Variants in ZNF169 observed in about 807,000 individuals in gnomAD.
The protein encoded by ZNF169 is zinc finger protein 169.
Under a neutral mutation model 12.0 loss-of-function variants are expected in ZNF169, and 11 were observed. The observed-to-expected ratio is 0.92, with a 90% CI of 0.58 to 1.52. The LOEUF (loss-of-function observed/expected upper bound fraction) is 1.52. ZNF169 is among the 40% of genes most tolerant of loss of function. ZNF169 has a pLI of 0.00. For synonymous variants in ZNF169, 302 were observed against 286.5 expected (o/e 1.05, Z -0.55); for missense variants, 722 against 744.0 (o/e 0.97, Z 0.34).
In ZNF169 at chr9:94,275,345, G is replaced by C. The variant is rs558330111; in HGVS notation, c.-55-3413G>C. ...GAACCATTGTAAGTTGGGGACTGTA[G>C]TCCTTTGAAATTGGAGATTTGTTTT... On this transcript the variant is annotated intron_variant, in intron 1 of 4. Coordinates refer to ENST00000395395, the MANE Select transcript of ZNF169 (RefSeq NM_194320.4). Among the ~76,000 whole-genome samples the C allele has an allele frequency of 8.5e-5, 13 of 152,340 alleles. 1 individual carries two copies. The South Asian group carries it at 2.7e-3, about 32-fold the overall frequency.
At chr9:94,285,547 C>G (rs1830707003) in intron 2 of ZNF169, among the ~76,000 whole-genome samples, 2 of 152,086 alleles carry the variant, frequency 1.3e-5, no homozygotes, top group Non-Finnish European at 2.9e-5. Flanking sequence ...ATTTTAAAAG[C>G]TCACTGAGTA....
chr9:94,280,068 A>G (rs1830600494), intron 2 of ZNF169, among the ~76,000 whole-genome samples: 1 of 152,214 alleles, frequency 6.6e-6, no homozygotes, highest in Non-Finnish European at 1.5e-5. Context: ...TTGCTAATTC[A>G]GTTTTGCTTT....
chr9:94,260,063 C>T (rs1055633687), intron 1 of ZNF169, among the ~76,000 whole-genome samples: 1 of 151,594 alleles, frequency 6.6e-6, no homozygotes, highest in East Asian at 1.9e-4. Context: ...AGGCACCCGC[C>T]ACCACGCCCG....
chr9:94,275,789 T>G (rs1205078180), intron 1 of ZNF169, among the ~76,000 whole-genome samples: 9 of 150,486 alleles, frequency 6.0e-5, no homozygotes, highest in East Asian at 1.9e-4. Context: ...ACTATCTGTT[T>G]TTTTTTTTTT....
intron 2 of ZNF169, among the ~76,000 whole-genome samples, chr9:94,281,570 G>A (rs1830631928): frequency 6.6e-6 from 1 of 152,182 alleles, no homozygotes; most frequent in Admixed American, 6.5e-5. Context: ...TTTATTCTGA[G>A]CCAAATATGA....
intron 1 of ZNF169, among the ~76,000 whole-genome samples, chr9:94,271,920 G>A (rs999620698): frequency 4.9e-5 from 5 of 102,190 alleles, no homozygotes; most frequent in Admixed American, 3.2e-4. Context: ...AAGTATTGCC[G>A]TCTCTCCTAC....
intron 2 of ZNF169, among the ~76,000 whole-genome samples, chr9:94,280,464 AC>A (rs773242180): frequency 2.0e-4 from 31 of 152,268 alleles, no homozygotes; most frequent in Middle Eastern, 3.4e-3. Flanking sequence ...TCTGTCTGTG[AC>A]CAACTTCTCT....
At chr9:94,296,791 C>T (rs1311054710) in intron 4 of ZNF169, 9 of 456,708 alleles carry the variant, frequency 2.0e-5, no homozygotes, top group Admixed American at 1.9e-4. Context: ...ACTGTAAATC[C>T]TCCATCTTCT....
In ZNF169 at chr9:94,262,363, G is replaced by A. The variant is rs140739933; in HGVS notation, c.-56+3018G>A. ...AGGCTATTACTGGGGAAAGCCTAGG[G>A]TGCCAAGATTGTGTGTGGATCTTAT... On this transcript the variant is annotated intron_variant, in intron 1 of 4. Coordinates refer to ENST00000395395, the MANE Select transcript of ZNF169 (RefSeq NM_194320.4). 1.4e-3 allele frequency among the ~76,000 whole-genome samples: 219 copies of A among 152,270 alleles called. 1 individual carries two copies. The highest frequency in any genetic ancestry group is 5.1e-3 in the African/African-American group (211 of 41,550).
At chr9:94,286,047 A>G (rs1270652419) in intron 2 of ZNF169, among the ~76,000 whole-genome samples, 4 of 152,110 alleles carry the variant, frequency 2.6e-5, no homozygotes, top group African/African-American at 7.2e-5. Flanking sequence ...CCTAAAGTGC[A>G]TAAACAATAT....
At chr9:94,260,694 G>A (rs1830187240) in intron 1 of ZNF169, among the ~76,000 whole-genome samples, 1 of 152,116 alleles carries the variant, frequency 6.6e-6, no homozygotes, top group African/African-American at 2.4e-5. Context: ...GTTGCAACAA[G>A]CAGAATGGTG....
At chr9:94,272,607 G>A (rs1387304180) in intron 1 of ZNF169, among the ~76,000 whole-genome samples, 2 of 152,122 alleles carry the variant, frequency 1.3e-5, no homozygotes, top group Non-Finnish European at 2.9e-5. Flanking sequence ...TGTAGTATGA[G>A]CCAGAATTTC....
chr9:94,279,243 T>C (rs747365718), intron 2 of ZNF169, among the ~76,000 whole-genome samples: 10 of 151,968 alleles, frequency 6.6e-5, no homozygotes, highest in Middle Eastern at 3.4e-3. Context: ...AGTACAAAAT[T>C]AGCTGGGCGT....
At chr9:94,275,887 T>A (rs562850099) in intron 1 of ZNF169, among the ~76,000 whole-genome samples, 133 of 151,898 alleles carry the variant, frequency 8.8e-4, no homozygotes, top group African/African-American at 3.0e-3. Flanking sequence ...GTTCAAGTGA[T>A]TCTCCTGCCT....
chr9:94,292,167 G>A (rs1210973284), intron 2 of ZNF169, among the ~76,000 whole-genome samples, 174 bp from the exon 3 acceptor site: 1 of 152,204 alleles, frequency 6.6e-6, no homozygotes, highest in Non-Finnish European at 1.5e-5. Context: ...AGTGTATGGA[G>A]GGGATTAATA....
At chr9:94,260,904 A>G (rs1830193542) in intron 1 of ZNF169, among the ~76,000 whole-genome samples, 1 of 134,716 alleles carries the variant, frequency 7.4e-6, no homozygotes, top group South Asian at 2.4e-4. Context: ...CACTGCAACC[A>G]CGGCCTCCCG....
At chr9:94,279,526 G>C (rs1385602802) in intron 2 of ZNF169, among the ~76,000 whole-genome samples, 1 of 151,896 alleles carries the variant, frequency 6.6e-6, no homozygotes, top group Admixed American at 6.6e-5. Flanking sequence ...TGTAATCCCA[G>C]ATACTGGGGA....
At chr9:94,264,243 T>G (rs544086567) in intron 1 of ZNF169, among the ~76,000 whole-genome samples, 4 of 152,258 alleles carry the variant, frequency 2.6e-5, no homozygotes, top group African/African-American at 7.2e-5. Context: ...TTCAAGCGCT[T>G]CTCCTGTCTC....
intron 1 of ZNF169, among the ~76,000 whole-genome samples, chr9:94,268,085 G>A (rs1424808782): frequency 6.6e-6 from 1 of 151,718 alleles, no homozygotes; most frequent in Admixed American, 6.6e-5. Context: ...GGTCAGGCTG[G>A]TCTTGAACGC....
Sources: allele counts gnomAD v4.1 joint callset (sites outside exome capture counted in the v4.1 genomes callset), GRCh38; gene constraint gnomAD v4.1.1; transcripts MANE v1.5; gene names NCBI Gene and HGNC (gene_info 2026-07-23, HGNC 2026-07-21).